The following FLRT2 variants were observed in gnomAD, a reference collection of about 807,000 sequenced individuals.
The protein encoded by FLRT2 is fibronectin leucine rich transmembrane protein 2.
FLRT2 carries 15 observed loss-of-function variants against 40.0 expected under a neutral mutation model. That is an observed-to-expected ratio of 0.38 (90% CI 0.25 to 0.58). The LOEUF (loss-of-function observed/expected upper bound fraction) is 0.58, where lower values mean the gene tolerates loss of function less well. FLRT2 is among the 20% of genes least tolerant of loss of function. The pLI is 0.71. For missense variants in FLRT2, 726 were observed against 840.0 expected, an observed-to-expected ratio of 0.86 and a Z score of 1.68; for synonymous variants, 380 against 336.8, an observed-to-expected ratio of 1.13 and a Z score of -1.41.
At chr14:85,585,036 T>C (rs547424755) in intron 1 of FLRT2, among the ~76,000 whole-genome samples, 10 of 152,238 alleles carry the variant, frequency 6.6e-5, no homozygotes, top group African/African-American at 2.4e-4. Context: ...ATATTTAACT[T>C]GGCACCAAGA....
At position 85,636,945 on chromosome 14, in the gene FLRT2, A is replaced by G. The variant is rs1450657560; in HGVS notation, c.*13448A>G. ...CTTCGTCTCCAAAAAAAAAAAAAAA[A>G]AAAAAAAAAGAGAGAGACTAACATT... On this transcript the variant is annotated 3_prime_UTR_variant, in exon 2 of 2. Transcript: ENST00000330753. The G allele has an allele frequency of 2.0e-5, 3 of 150,344 alleles. No individual in the cohort carries two copies. In the East Asian group the frequency reaches 5.8e-4, roughly 29 times the overall value. The allele number at this position is 150,344 out of a possible 1,614,324, so 9.3% of individuals were successfully genotyped here.
intron 1 of FLRT2, among the ~76,000 whole-genome samples, chr14:85,531,695 C>G (rs906086021): frequency 3.3e-5 from 5 of 152,290 alleles, no homozygotes; most frequent in African/African-American, 2.4e-5. Flanking sequence ...ACTGTCTGTT[C>G]CCTTCCGATT....
intron 1 of FLRT2, among the ~76,000 whole-genome samples, chr14:85,620,875 G>T (rs1203875955): frequency 2.0e-5 from 3 of 152,192 alleles, no homozygotes; most frequent in African/African-American, 7.2e-5. Context: ...AAAAGAGAAG[G>T]TACTGATTAG....
intron 1 of FLRT2, among the ~76,000 whole-genome samples, chr14:85,574,553 A>C (rs1891038935): frequency 6.6e-6 from 1 of 152,090 alleles, no homozygotes; most frequent in South Asian, 2.1e-4. Context: ...TTATACTGGA[A>C]ATTTGGAGAC....
intron 1 of FLRT2, among the ~76,000 whole-genome samples, chr14:85,558,153 G>A (rs1169567727): frequency 6.6e-6 from 1 of 152,028 alleles, no homozygotes. Flanking sequence ...GTTTGCCCTT[G>A]GAATATATGT....
chr14:85,577,619 C>G (rs1190926025), intron 1 of FLRT2, among the ~76,000 whole-genome samples: 1 of 151,896 alleles, frequency 6.6e-6, no homozygotes, highest in African/African-American at 2.4e-5. Flanking sequence ...CAGGGTCTCA[C>G]CGTGTTGCCC....
In FLRT2 at chr14:85,623,643, ACT is replaced by A; in HGVS notation, c.*147_*148del. 3.4e-6 allele frequency: 2 copies of A among 592,616 alleles called. No individual in the cohort carries two copies. Among genetic ancestry groups the A allele is most frequent in the Non-Finnish European group, 5.4e-6 (2 of 367,922 alleles). The allele number at this position is 592,616 out of a possible 1,614,324, so 36.7% of individuals were successfully genotyped here. On this transcript the variant is annotated 3_prime_UTR_variant, in exon 2 of 2. Coordinates refer to ENST00000330753, the MANE Select transcript of FLRT2 (RefSeq NM_013231.6). Reference sequence around the variant, plus strand: ...GAATACTCTGTAATTTATACGGTGTACTATATAATGGGATTTAAAAAAAGTGC... The same window carrying A: ...GAATACTCTGTAATTTATACGGTGTAATATAATGGGATTTAAAAAAAGTGC...
chr14:85,593,797 T>C (rs935520292), intron 1 of FLRT2, among the ~76,000 whole-genome samples: 2 of 152,198 alleles, frequency 1.3e-5, no homozygotes, highest in Non-Finnish European at 2.9e-5. Flanking sequence ...ATTCCAGAAC[T>C]CTGGGAGTTC....
intron 1 of FLRT2, among the ~76,000 whole-genome samples, chr14:85,607,281 G>A (rs1001794927): frequency 1.3e-5 from 2 of 152,144 alleles, no homozygotes; most frequent in Non-Finnish European, 2.9e-5. Context: ...TTTTCCTGCC[G>A]AGATGGAAGC....
At chr14:85,592,516 A>G (rs1891936536) in intron 1 of FLRT2, among the ~76,000 whole-genome samples, 1 of 152,092 alleles carries the variant, frequency 6.6e-6, no homozygotes, top group Non-Finnish European at 1.5e-5. Context: ...AGCCGGGTGC[A>G]GTGGCGCAAC....
chr14:85,546,842 C>G (rs1467243482), intron 1 of FLRT2, among the ~76,000 whole-genome samples: 1 of 152,166 alleles, frequency 6.6e-6, no homozygotes, highest in Non-Finnish European at 1.5e-5. Context: ...TTAGAATGAA[C>G]TAAACATTCC....
chr14:85,606,191 A>G (rs559613288), intron 1 of FLRT2, among the ~76,000 whole-genome samples: 20 of 152,304 alleles, frequency 1.3e-4, no homozygotes, highest in African/African-American at 4.3e-4. Context: ...GCACAGCTCA[A>G]TGGTTAAGAG....
rs1464438254 is a variant in FLRT2, at chr14:85,649,413, G to C, written c.*25916G>C. ...ATTTGAAAAACAAGAAGATAATCAG[G>C]AACCAAGATGGATATGTGTGTCTTG... On this transcript the variant is annotated 3_prime_UTR_variant, in exon 2 of 2. Transcript: ENST00000330753. 1 of 152,058 alleles carries C rather than the reference G, an allele frequency of 6.6e-6. No homozygotes were observed. Among genetic ancestry groups the C allele is most frequent in the African/African-American group, 2.4e-5 (1 of 41,430 alleles). The allele number at this position is 152,058 out of a possible 1,614,324, so 9.4% of individuals were successfully genotyped here.
At chr14:85,530,782 C>G (rs917304216) in intron 1 of FLRT2, among the ~76,000 whole-genome samples, 5 of 152,120 alleles carry the variant, frequency 3.3e-5, no homozygotes, top group Non-Finnish European at 7.3e-5. Flanking sequence ...TGACTGAGTT[C>G]TGGGTCAAAA....
rs1893726053 is a variant in FLRT2, at chr14:85,627,295, C to T, written c.*3798C>T. ...TGGTCTTGTTCTTGGTCTTGTCAAA[C>T]CTTGCCTGATGCTCTTTCTAAAGTC... On this transcript the variant is annotated 3_prime_UTR_variant, in exon 2 of 2. Coordinates refer to ENST00000330753, the MANE Select transcript of FLRT2 (RefSeq NM_013231.6). 6.0e-6 allele frequency: 1 copy of T among 167,054 alleles called. No individual in the cohort carries two copies. Among genetic ancestry groups the T allele is most frequent in the Non-Finnish European group, 1.5e-5 (1 of 68,120 alleles). The allele number at this position is 167,054 out of a possible 1,614,324, so 10.3% of individuals were successfully genotyped here.
At chr14:85,565,674 TA>T (rs1162930433) in intron 1 of FLRT2, among the ~76,000 whole-genome samples, 1 of 152,166 alleles carries the variant, frequency 6.6e-6, no homozygotes, top group Non-Finnish European at 1.5e-5. Flanking sequence ...GCTTTTAAAA[TA>T]AAAGTTGGCA....
intron 1 of FLRT2, among the ~76,000 whole-genome samples, chr14:85,581,370 C>A (rs993978414): frequency 2.0e-5 from 3 of 152,152 alleles, no homozygotes; most frequent in Admixed American, 2.0e-4. Flanking sequence ...ACCACTTACC[C>A]CCAGAGAAGA....
intron 1 of FLRT2, among the ~76,000 whole-genome samples, chr14:85,564,383 A>G (rs1890520098): frequency 6.6e-6 from 1 of 152,222 alleles, no homozygotes; most frequent in African/African-American, 2.4e-5. Context: ...TTTTAGTACA[A>G]ATGAATCGTC....
chr14:85,628,261 T>C lies in FLRT2; in HGVS notation c.*4764T>C, dbSNP rs965711945. On this transcript the variant is annotated 3_prime_UTR_variant, in exon 2 of 2. Transcript: ENST00000330753. Reference sequence around the variant, plus strand: ...TGTCATTGTATTTATCCTATCAGAATAGGCTTTTCCCCTATTTCAAAATAG... The same window carrying C: ...TGTCATTGTATTTATCCTATCAGAACAGGCTTTTCCCCTATTTCAAAATAG... The C allele has an allele frequency of 3.3e-5, 5 of 152,220 alleles. No homozygotes were observed. The highest frequency in any genetic ancestry group is 7.3e-5 in the Non-Finnish European group (5 of 68,044). 9.4% of individuals were successfully genotyped at this position (152,220 alleles called of 1,614,324 possible).
Sources: gnomAD v4.1 joint callset for allele counts (sites outside exome capture counted in the v4.1 genomes callset) on GRCh38, gnomAD v4.1.1 for gene constraint, MANE v1.5 for transcripts, NCBI Gene and HGNC (gene_info 2026-07-23, HGNC 2026-07-21) for gene names.